Variants in DGKH observed in about 807,000 individuals in gnomAD.
DGKH encodes DAG kinase eta.
Under a neutral mutation model 159.3 loss-of-function variants are expected in DGKH, and 90 were observed. The ratio of observed to expected loss-of-function variants is 0.57; its 90% CI spans 0.48 to 0.67. DGKH has a LOEUF of 0.67. DGKH is among the 30% of genes least tolerant of loss of function. The pLI is 0.00. For synonymous variants in DGKH, 536 were observed against 553.8 expected (o/e 0.97, Z 0.45); for missense variants, 1,181 against 1,506.1 (o/e 0.78, Z 3.57).
intron 24 of DGKH, among the ~76,000 whole-genome samples, chr13:42,211,252 T>G (rs1957650816): frequency 6.6e-6 from 1 of 152,006 alleles, no homozygotes; most frequent in Non-Finnish European, 1.5e-5. Flanking sequence ...CTCACCTGAG[T>G]CTTATCTACC....
intron 11 of DGKH, among the ~76,000 whole-genome samples, chr13:42,169,135 A>C (rs1956380903): frequency 1.3e-5 from 2 of 152,220 alleles, no homozygotes; most frequent in Admixed American, 6.5e-5. Context: ...GAAAACGAAA[A>C]TAGTTCATTT....
intron 1 of DGKH, among the ~76,000 whole-genome samples, chr13:42,049,376 TAAAAG>T (rs1475879505): frequency 6.6e-6 from 1 of 152,122 alleles, no homozygotes; most frequent in Non-Finnish European, 1.5e-5. Context: ...TTAGGGAACT[TAAAAG>T]GAGAGTTTCA....
In DGKH at chr13:42,199,911, T is replaced by C. The variant is rs1381802604; in HGVS notation, c.2493+2T>C. 6.3e-6 allele frequency: 10 copies of C among 1,597,904 alleles called. No individual in the cohort carries two copies. In the South Asian group the frequency reaches 8.0e-5, roughly 13 times the overall value. Reference sequence around the variant, plus strand: ...TTAGAACAAAGGGTTCAACTTGAGGTAAGTTCATCTTAAAGTAAAGATATT... The same window carrying C: ...TTAGAACAAAGGGTTCAACTTGAGGCAAGTTCATCTTAAAGTAAAGATATT... On this transcript the variant is annotated splice_donor_variant, in intron 20 of 29. Coordinates refer to ENST00000337343, the MANE Select transcript of DGKH (RefSeq NM_178009.5). LOFTEE classifies it high-confidence loss of function.
intron 3 of DGKH, among the ~76,000 whole-genome samples, chr13:42,139,478 G>T (rs762602119): frequency 6.6e-6 from 1 of 152,186 alleles, no homozygotes; most frequent in Non-Finnish European, 1.5e-5. Flanking sequence ...CGGACTTTCA[G>T]TCAGGGTGTC....
At chr13:42,202,200 C>T (rs1957363693) in intron 20 of DGKH, among the ~76,000 whole-genome samples, 1 of 152,046 alleles carries the variant, frequency 6.6e-6, no homozygotes. Flanking sequence ...AAAAGTAGAG[C>T]ACTCTTTGCC....
At chr13:42,229,012 T>G in intron 29 of DGKH, 87 bp from the exon 30 acceptor site, 1 of 1,158,578 alleles carries the variant, frequency 8.6e-7, no homozygotes, top group Non-Finnish European at 1.2e-6. Flanking sequence ...TAAACTTTTT[T>G]CCTTTTCTTT....
At position 42,240,898 on chromosome 13, in the gene DGKH, C is replaced by A. The variant is rs1958502193; in HGVS notation, c.*11710C>A. On this transcript the variant is annotated 3_prime_UTR_variant, in exon 30 of 30. Transcript: ENST00000337343. ...TTGGGAGGCCGAAGTGGGTGGATTA[C>A]CTGAGGTCAGGAGCTCGAGACAAGT... 1 of 152,076 alleles carries A rather than the reference C, an allele frequency of 6.6e-6. No homozygotes were observed. The highest frequency in any genetic ancestry group is 6.6e-5 in the Admixed American group (1 of 15,264). 9.4% of individuals were successfully genotyped at this position (152,076 alleles called of 1,614,324 possible).
chr13:42,225,186 A>G lies in DGKH; in HGVS notation c.3573+3792A>G. 12 of 1,196,168 alleles carry G rather than the reference A, an allele frequency of 1.0e-5. No individual in the cohort carries two copies. In the South Asian group the frequency reaches 1.4e-4, roughly 14 times the overall value. 74.1% of individuals were successfully genotyped at this position (1,196,168 alleles called of 1,614,324 possible). On this transcript the variant is annotated intron_variant, in intron 29 of 29. Transcript: ENST00000337343. ...GATCGGCCTGCCTTGGCCTCCTACA[A>G]TGCTGGGATTACTGGTGTGAGCCAC...
At chr13:42,167,941 A>G (rs1457826624) in intron 9 of DGKH, among the ~76,000 whole-genome samples, 4 of 152,188 alleles carry the variant, frequency 2.6e-5, no homozygotes, top group Non-Finnish European at 5.9e-5. Flanking sequence ...AGATGAGGGA[A>G]AATAGAAGGA....
At position 42,199,835 on chromosome 13, in the gene DGKH, T is replaced by C; in HGVS notation, c.2419T>C (p.Trp807Arg). Reference sequence around the variant, plus strand: ...CAGGAGCCGAACTAAAAACTTGATGTGGTATGGAGTCCTTGGAACCCGGGA... The same window carrying C: ...CAGGAGCCGAACTAAAAACTTGATGCGGTATGGAGTCCTTGGAACCCGGGA... ...KCRSRTKNLM[W>R]YGVLGTRELL... Residue 807 changes from tryptophan to arginine, a missense_variant, in exon 20 of 30, where the codon TGG (tryptophan) becomes CGG (arginine). Coordinates refer to ENST00000337343, the MANE Select transcript of DGKH (RefSeq NM_178009.5). 6.2e-7 allele frequency: 1 copy of C among 1,603,278 alleles called. No homozygotes were observed. Among genetic ancestry groups the C allele is most frequent in the Non-Finnish European group, 8.5e-7 (1 of 1,177,196 alleles).
intron 17 of DGKH, among the ~76,000 whole-genome samples, chr13:42,195,219 G>A (rs1453005151): frequency 6.6e-6 from 1 of 151,960 alleles, no homozygotes; most frequent in Non-Finnish European, 1.5e-5. Context: ...CACTTGTTTC[G>A]GCCAGGTGCA....
chr13:42,194,282 G>T (rs1401061155), intron 16 of DGKH, among the ~76,000 whole-genome samples: 5 of 152,140 alleles, frequency 3.3e-5, no homozygotes, highest in Non-Finnish European at 7.4e-5. Flanking sequence ...AGGGACTACA[G>T]GTGCATGCCA....
rs557896745 is a variant in DGKH at position 42,232,480 on chromosome 13, A to G, written c.*3292A>G. Reference sequence around the variant, plus strand: ...CTCCCTTTCTGAGTTTCTTTCCTACATCCTGGCTCTTCATTTTCCCAATGC... The same window carrying G: ...CTCCCTTTCTGAGTTTCTTTCCTACGTCCTGGCTCTTCATTTTCCCAATGC... On this transcript the variant is annotated 3_prime_UTR_variant, in exon 30 of 30. Transcript: ENST00000337343. The G allele has an allele frequency of 3.2e-4, 48 of 152,254 alleles. No homozygotes were observed. The highest frequency in any genetic ancestry group is 1.1e-3 in the African/African-American group (46 of 41,566). 9.4% of individuals were successfully genotyped at this position (152,254 alleles called of 1,614,324 possible). A position where few individuals can be genotyped will look rare whatever the true frequency, so the allele number is the denominator to read the frequency against.
Position 42,231,123 on chromosome 13 carries a change from G to C in DGKH, c.*1935G>C, listed in dbSNP as rs1016513804. The C allele has an allele frequency of 6.6e-6, 1 of 152,222 alleles. No individual in the cohort carries two copies. The highest frequency in any genetic ancestry group is 1.5e-5 in the Non-Finnish European group (1 of 68,092). 9.4% of individuals were successfully genotyped at this position (152,222 alleles called of 1,614,324 possible). A position where few individuals can be genotyped will look rare whatever the true frequency, so the allele number is the denominator to read the frequency against. On this transcript the variant is annotated 3_prime_UTR_variant, in exon 30 of 30. Transcript: ENST00000337343. Reference sequence around the variant, plus strand: ...TAATCCCAGCACTTCGGGAGGTTTAGGTGGGTAGATCACCGGAGGTCAGGA... The same window carrying C: ...TAATCCCAGCACTTCGGGAGGTTTACGTGGGTAGATCACCGGAGGTCAGGA...
intron 29 of DGKH, among the ~76,000 whole-genome samples, chr13:42,248,042 A>G (rs2138336110): frequency 6.6e-6 from 1 of 152,332 alleles, no homozygotes; most frequent in South Asian, 2.1e-4. Flanking sequence ...ACAGTAGTGC[A>G]AAGTAATGCC....
intron 1 of DGKH, among the ~76,000 whole-genome samples, chr13:42,105,489 T>C (rs917829817): frequency 1.3e-5 from 2 of 152,150 alleles, no homozygotes; most frequent in African/African-American, 4.8e-5. Context: ...AATTGTATGT[T>C]TGATTTTTTT....
At chr13:42,115,250 G>A (rs1263971500) in intron 1 of DGKH, among the ~76,000 whole-genome samples, 1 of 152,168 alleles carries the variant, frequency 6.6e-6, no homozygotes, top group African/African-American at 2.4e-5. Context: ...AAGAAAAAAA[G>A]TTTTAATCGT....
rs1204126319 is a variant in DGKH, at chr13:42,048,721, C to G, written c.-53C>G. 1.2e-5 allele frequency: 15 copies of G among 1,239,898 alleles called. No individual in the cohort carries two copies. The highest frequency in any genetic ancestry group is 1.5e-5 in the Non-Finnish European group (15 of 986,132). The allele number at this position is 1,239,898 out of a possible 1,614,324, so 76.8% of individuals were successfully genotyped here. A position where few individuals can be genotyped will look rare whatever the true frequency, so the allele number is the denominator to read the frequency against. On this transcript the variant is annotated 5_prime_UTR_variant, in exon 1 of 30. Coordinates refer to ENST00000337343, the MANE Select transcript of DGKH (RefSeq NM_178009.5). This position sits in a 1 kb window ranked among gnomAD's most constrained non-coding sequence, Gnocchi z 6.7. Reference sequence around the variant, plus strand: ...GCTCGGGCAGAGCCCACCCGCTGACCAACGCCGCCGCCCCCGCCGGGCGGT... The same window carrying G: ...GCTCGGGCAGAGCCCACCCGCTGACGAACGCCGCCGCCCCCGCCGGGCGGT...
At chr13:42,210,809 T>C in intron 24 of DGKH, 44 bp downstream of exon 24, 1 of 1,567,546 alleles carries the variant, frequency 6.4e-7, no homozygotes, top group Non-Finnish European at 8.6e-7. Flanking sequence ...AACTGTGGTC[T>C]CAGCCAATTT....
Sources: allele counts gnomAD v4.1 joint callset (sites outside exome capture counted in the v4.1 genomes callset), GRCh38; gene constraint gnomAD v4.1.1; non-coding constraint Gnocchi (gnomAD v3.1); transcripts MANE v1.5; gene names NCBI Gene and HGNC (gene_info 2026-07-23, HGNC 2026-07-21).